Variants in SYN2 observed in about 807,000 individuals in gnomAD.
SYN2 encodes the protein synapsin-2.
A neutral mutation model predicts 50.9 loss-of-function variants in SYN2; 19 were observed. The ratio of observed to expected loss-of-function variants is 0.37; its 90% confidence interval spans 0.26 to 0.55. The LOEUF (loss-of-function observed/expected upper bound fraction) is 0.55. Ranked by LOEUF, SYN2 falls within the 20% of genes least tolerant of loss-of-function variation. The pLI, the probability that SYN2 is intolerant of heterozygous loss-of-function variation, is 0.81. For missense variants in SYN2, 587 were observed against 576.4 expected (o/e 1.02, Z -0.19); for synonymous variants, 255 against 224.9 (o/e 1.13, Z -1.20).
chr3:12,153,536 A>G, intron 5 of SYN2: 1 of 1,613,782 alleles, frequency 6.2e-7, no homozygotes, highest in Non-Finnish European at 8.5e-7. Context: ...CGATGTCAAC[A>G]AACTCCTTCC....
At chr3:12,033,040 G>C (rs1403279916) in intron 1 of SYN2, among the ~76,000 whole-genome samples, 1 of 145,640 alleles carries the variant, frequency 6.9e-6, no homozygotes, top group African/African-American at 2.6e-5. Context: ...TGATGATGGT[G>C]ATGTACAGAT....
At chr3:12,160,759 C>T (rs1022569724) in intron 5 of SYN2, among the ~76,000 whole-genome samples, 2 of 152,248 alleles carry the variant, frequency 1.3e-5, no homozygotes, top group Non-Finnish European at 2.9e-5. Flanking sequence ...ACATCTAGCC[C>T]AGTGCTCCTT....
At chr3:12,038,218 G>C (rs1694541771) in intron 1 of SYN2, among the ~76,000 whole-genome samples, 1 of 152,080 alleles carries the variant, frequency 6.6e-6, no homozygotes, top group Non-Finnish European at 1.5e-5. Context: ...CCATAGAATT[G>C]TGGGTTCATT....
At chr3:12,005,808 G>T (rs781064985) in intron 1 of SYN2, among the ~76,000 whole-genome samples, 30 of 151,948 alleles carry the variant, frequency 2.0e-4, no homozygotes, top group Non-Finnish European at 3.8e-4. Flanking sequence ...AACTTAGAAT[G>T]GTGAAGGCTG....
At chr3:12,030,191 C>T (rs948950864) in intron 1 of SYN2, among the ~76,000 whole-genome samples, 4 of 114,440 alleles carry the variant, frequency 3.5e-5, no homozygotes, top group African/African-American at 9.2e-5. Context: ...TATTGATTTG[C>T]GTATATTGAA....
At chr3:12,141,796 GT>G in intron 2 of SYN2, 108 bp from the exon 3 acceptor site, 1 of 687,870 alleles carries the variant, frequency 1.5e-6, no homozygotes, top group Non-Finnish European at 2.7e-6. Context: ...ATGTGAACAT[GT>G]TTTGAAAACT....
At position 12,004,597 on chromosome 3, in the gene SYN2, G is replaced by T. The variant is rs1190155606; in HGVS notation, c.46G>T (p.Ala16Ser). The T allele has an allele frequency of 1.5e-6, 1 of 663,644 alleles. No individual in the cohort carries two copies. The highest frequency in any genetic ancestry group is 2.8e-6 in the Non-Finnish European group (1 of 356,658). 41.1% of individuals were successfully genotyped at this position (663,644 alleles called of 1,614,324 possible). ...RRRLSDSSFIANLPNGYMTDL... is the reference protein window; with the variant it reads ...RRRLSDSSFISNLPNGYMTDL... ...CCGGCTGTCGGACAGCAGCTTCATCGCCAACCTGCCCAACGGCTACATGAC... is the reference window on the plus strand; with the variant it reads ...CCGGCTGTCGGACAGCAGCTTCATCTCCAACCTGCCCAACGGCTACATGAC... The change falls in exon 1 of 13, where the codon GCC becomes TCC. Residue 16 changes from alanine (A) to serine (S), a missense_variant. By Grantham distance (99) the Ala-to-Ser change is moderately conservative. Transcript: ENST00000621198.
At chr3:12,012,832 C>G (rs1377287754) in intron 1 of SYN2, among the ~76,000 whole-genome samples, 1 of 152,160 alleles carries the variant, frequency 6.6e-6, no homozygotes, top group Non-Finnish European at 1.5e-5. Flanking sequence ...ACTGATTGCT[C>G]TTTCTATGGG....
intron 1 of SYN2, among the ~76,000 whole-genome samples, chr3:12,026,194 A>G (rs1694254197): frequency 1.3e-5 from 2 of 152,148 alleles, no homozygotes; most frequent in Non-Finnish European, 2.9e-5. Flanking sequence ...TCTGGATATT[A>G]TTACAACCAG....
rs1283447651 is a variant in SYN2 at position 12,053,839 on chromosome 3, T to TA, written c.377+48916dup. On this transcript the variant is annotated intron_variant, in intron 1 of 12. Coordinates refer to ENST00000621198, the MANE Select transcript of SYN2 (RefSeq NM_133625.6). Reference sequence around the variant, plus strand: ...AAGTTTTTTGTAAACCTCGAATAATTAAAAATATAATTAAAATGATAAGTT... The same window carrying TA: ...AAGTTTTTTGTAAACCTCGAATAATTAAAAAATATAATTAAAATGATAAGTT... Among the ~76,000 whole-genome samples, 3 of 152,314 alleles carry TA rather than the reference T, an allele frequency of 2.0e-5. No individual in the cohort carries two copies. The South Asian group carries it at 6.2e-4, about 32-fold the overall frequency.
At chr3:12,057,776 A>G (rs1695026426) in intron 1 of SYN2, among the ~76,000 whole-genome samples, 1 of 152,232 alleles carries the variant, frequency 6.6e-6, no homozygotes, top group African/African-American at 2.4e-5. Context: ...ACAATCAGGG[A>G]AGATTTTATG....
At chr3:12,168,611 C>A (rs1697863513) in intron 9 of SYN2, 133 bp downstream of exon 9, 1 of 756,872 alleles carries the variant, frequency 1.3e-6, no homozygotes, top group African/African-American at 1.7e-5. Context: ...GCTATTGTTT[C>A]TAACCTGCTA....
At chr3:12,077,012 A>G (rs1574926798) in intron 1 of SYN2, among the ~76,000 whole-genome samples, 1 of 152,092 alleles carries the variant, frequency 6.6e-6, no homozygotes, top group East Asian at 1.9e-4. Context: ...TTTGAGAGGG[A>G]GAAGTGTTGG....
At chr3:12,113,339 T>C (rs1319738418) in intron 1 of SYN2, among the ~76,000 whole-genome samples, 1 of 152,124 alleles carries the variant, frequency 6.6e-6, no homozygotes, top group East Asian at 1.9e-4. Flanking sequence ...TTCTCCATAA[T>C]ATTTGTAATT....
chr3:12,129,064 CAT>C (rs1229730268), intron 1 of SYN2, among the ~76,000 whole-genome samples: 1 of 151,482 alleles, frequency 6.6e-6, no homozygotes, highest in Admixed American at 6.6e-5. Context: ...TAAAATGAAT[CAT>C]AAAAAATTTC....
At chr3:12,042,784 G>C (rs1694647276) in intron 1 of SYN2, among the ~76,000 whole-genome samples, 1 of 152,174 alleles carries the variant, frequency 6.6e-6, no homozygotes, top group South Asian at 2.1e-4. Context: ...GATACAGAGA[G>C]CAGCACAGAG....
intron 1 of SYN2, among the ~76,000 whole-genome samples, chr3:12,019,104 G>A (rs914304033): frequency 7.9e-5 from 12 of 152,168 alleles, no homozygotes; most frequent in African/African-American, 2.7e-4. Context: ...AGATGTGAAC[G>A]TGTTTTCTGA....
At chr3:12,042,015 A>T (rs1166949214) in intron 1 of SYN2, among the ~76,000 whole-genome samples, 3 of 152,190 alleles carry the variant, frequency 2.0e-5, no homozygotes, top group African/African-American at 4.8e-5. Flanking sequence ...TGCTCTGCCA[A>T]CATATATAGT....
At chr3:12,075,412 A>G (rs759886542) in intron 1 of SYN2, among the ~76,000 whole-genome samples, 1 of 152,168 alleles carries the variant, frequency 6.6e-6, no homozygotes, top group Middle Eastern at 3.2e-3. Context: ...TATTTGGAGG[A>G]AAATTACTTT....
Sources: allele counts gnomAD v4.1 joint callset (sites outside exome capture counted in the v4.1 genomes callset), GRCh38; gene constraint gnomAD v4.1.1; transcripts MANE v1.5; gene names NCBI Gene and HGNC (gene_info 2026-07-23, HGNC 2026-07-21).